The following SAMD4A variants were observed in gnomAD, a reference collection of about 807,000 sequenced individuals.
SAMD4A encodes protein Smaug homolog 1.
A neutral mutation model predicts 81.3 loss-of-function variants in SAMD4A; 33 were observed. The ratio of observed to expected loss-of-function variants is 0.41; its 90% CI spans 0.31 to 0.54. The LOEUF (loss-of-function observed/expected upper bound fraction) is 0.54. SAMD4A is among the 20% of genes least tolerant of loss of function. SAMD4A has a pLI of 0.37. For missense variants in SAMD4A, 854 were observed against 951.1 expected (o/e 0.90, Z 1.34); for synonymous variants, 389 against 382.1 (o/e 1.02, Z -0.21).
chr14:54,578,660 C>T (rs1026575376), intron 2 of SAMD4A, among the ~76,000 whole-genome samples: 7 of 151,476 alleles, frequency 4.6e-5, no homozygotes, highest in Admixed American at 2.0e-4. Flanking sequence ...TGCAGTAAGC[C>T]GAGATCGCAC....
At chr14:54,653,326 TA>T (rs1248812841) in intron 2 of SAMD4A, among the ~76,000 whole-genome samples, 1 of 145,770 alleles carries the variant, frequency 6.9e-6, no homozygotes, top group Non-Finnish European at 1.5e-5. Context: ...TTATTATTAT[TA>T]TTATTATTAT....
chr14:54,571,998 A>G (rs139130908), intron 2 of SAMD4A, among the ~76,000 whole-genome samples: 48 of 152,302 alleles, frequency 3.2e-4, no homozygotes, highest in African/African-American at 1.1e-3. Flanking sequence ...GCAGCAGAAG[A>G]GGTTTTCCTG....
intron 6 of SAMD4A, among the ~76,000 whole-genome samples, chr14:54,755,157 T>C (rs1421566289): frequency 1.3e-5 from 2 of 151,940 alleles, no homozygotes; most frequent in African/African-American, 4.8e-5. Flanking sequence ...GCAGTGAGGA[T>C]GGAGGAGGAG....
chr14:54,742,547 G>A (rs1174129003), intron 4 of SAMD4A, among the ~76,000 whole-genome samples: 1 of 152,176 alleles, frequency 6.6e-6, no homozygotes, highest in East Asian at 1.9e-4. Context: ...CTTCATTCCA[G>A]ATAGCTGGGT....
chr14:54,788,964 C>A lies in SAMD4A; in HGVS notation c.*20C>A. The A allele has an allele frequency of 6.2e-7, 1 of 1,613,888 alleles. No individual in the cohort carries two copies. ...ATCTAGAAGCTGAAGACGAGAGTGA[C>A]CGCGCTGGCCGTGAAATCGACTGCT... On this transcript the variant is annotated 3_prime_UTR_variant, in exon 13 of 13. Transcript: ENST00000554335.
intron 12 of SAMD4A, among the ~76,000 whole-genome samples, chr14:54,787,898 T>C (rs1244223481): frequency 6.6e-6 from 1 of 152,190 alleles, no homozygotes; most frequent in African/African-American, 2.4e-5. Context: ...TAAGCTCTTG[T>C]TCATGGTATG....
In SAMD4A at chr14:54,613,367, C is replaced by T. The variant is rs537099712; in HGVS notation, c.196+45255C>T. 9.2e-5 allele frequency among the ~76,000 whole-genome samples: 14 copies of T among 152,242 alleles called. No homozygotes were observed. The Middle Eastern group carries it at 0.01, about 111-fold the overall frequency. ...GAAATGAAGCAGGTAGCAGGTATCA[C>T]CTCTACTGGTAAGTAGGTTCATTGT... On this transcript the variant is annotated intron_variant, in intron 2 of 12. Coordinates refer to ENST00000554335, the MANE Select transcript of SAMD4A (RefSeq NM_015589.6).
intron 4 of SAMD4A, among the ~76,000 whole-genome samples, chr14:54,745,337 A>T (rs1566616104): frequency 6.6e-6 from 1 of 151,968 alleles, no homozygotes; most frequent in East Asian, 1.9e-4. Context: ...CCATCCACCC[A>T]TGTGTCTGCT....
At chr14:54,768,525 G>C (rs1032582145) in intron 8 of SAMD4A, among the ~76,000 whole-genome samples, 5 of 152,188 alleles carry the variant, frequency 3.3e-5, no homozygotes, top group African/African-American at 1.2e-4. Context: ...TCCTCCCCAG[G>C]TCACCCTGAC....
intron 2 of SAMD4A, among the ~76,000 whole-genome samples, chr14:54,669,443 T>TTC (rs2035826563): frequency 8.4e-6 from 1 of 119,542 alleles, no homozygotes; most frequent in South Asian, 3.1e-4. Flanking sequence ...CAACGCTTCT[T>TTC]TCTTTTTTTT....
chr14:54,690,284 G>A (rs2036398379), intron 2 of SAMD4A, among the ~76,000 whole-genome samples: 2 of 152,150 alleles, frequency 1.3e-5, no homozygotes, highest in Admixed American at 6.5e-5. Context: ...CACAGATGAT[G>A]ATAGGAGCAG....
chr14:54,753,632 T>G (rs1365611623), intron 6 of SAMD4A, among the ~76,000 whole-genome samples: 1 of 126,604 alleles, frequency 7.9e-6, no homozygotes, highest in Non-Finnish European at 1.7e-5. Context: ...ACATATAGAC[T>G]ATATAAAGTT....
chr14:54,769,594 T>C (rs2038647399), intron 8 of SAMD4A, among the ~76,000 whole-genome samples: 1 of 152,158 alleles, frequency 6.6e-6, no homozygotes, highest in African/African-American at 2.4e-5. Flanking sequence ...ACCCATTAAC[T>C]GGAGATGTCT....
At chr14:54,737,527 ACTCTCT>A (rs4026223) in intron 4 of SAMD4A, among the ~76,000 whole-genome samples, 1 of 117,392 alleles carries the variant, frequency 8.5e-6, no homozygotes, top group Non-Finnish European at 1.7e-5. Context: ...AGGTCAACCC[ACTCTCT>A]CTCTCTCTCT....
intron 2 of SAMD4A, among the ~76,000 whole-genome samples, chr14:54,700,256 TTTG>T (rs1415849096): frequency 6.6e-6 from 1 of 152,086 alleles, no homozygotes; most frequent in African/African-American, 2.4e-5. Flanking sequence ...GCAGATGCTA[TTTG>T]GGGCTCAGAG....
chr14:54,608,015 CAAA>C (rs765121682), intron 2 of SAMD4A, among the ~76,000 whole-genome samples: 1 of 60,686 alleles, frequency 1.6e-5, no homozygotes, highest in Non-Finnish European at 3.4e-5. Flanking sequence ...GACTCCGTCT[CAAA>C]AAAAAAAAAA....
At chr14:54,773,375 C>CT (rs1491513498) in intron 9 of SAMD4A, among the ~76,000 whole-genome samples, 1 of 152,228 alleles carries the variant, frequency 6.6e-6, no homozygotes, top group African/African-American at 2.4e-5. Flanking sequence ...CAAACCTCCC[C>CT]TGTGTCGCTG....
At chr14:54,617,219 G>A (rs527296389) in intron 2 of SAMD4A, among the ~76,000 whole-genome samples, 64 of 152,286 alleles carry the variant, frequency 4.2e-4, no homozygotes, top group African/African-American at 1.5e-3. Context: ...GTATTCGTAG[G>A]ATAAAATATG....
chr14:54,767,774 T>C (rs2038591219), intron 8 of SAMD4A, among the ~76,000 whole-genome samples: 1 of 152,062 alleles, frequency 6.6e-6, no homozygotes, highest in Admixed American at 6.5e-5. Flanking sequence ...CCAATGCAGA[T>C]CCCCCATAAC....
Sources: allele counts gnomAD v4.1 joint callset (sites outside exome capture counted in the v4.1 genomes callset), GRCh38; gene constraint gnomAD v4.1.1; transcripts MANE v1.5; gene names NCBI Gene and HGNC (gene_info 2026-07-23, HGNC 2026-07-21).